DYDC1: variants seen among roughly 807,000 people sequenced by gnomAD.
DYDC1 encodes DPY30 domain-containing protein 1.
Under a neutral mutation model 27.9 loss-of-function variants are expected in DYDC1, and 21 were observed. That is an observed-to-expected ratio of 0.75 (90% confidence interval 0.53 to 1.08). The LOEUF (loss-of-function observed/expected upper bound fraction) is 1.08, where lower values mean the gene tolerates loss of function less well. Ranked by LOEUF, DYDC1 falls within the 50% of genes least tolerant of loss-of-function variation. DYDC1 has a pLI of 0.00. For synonymous variants in DYDC1, 67 were observed against 65.8 expected, an observed-to-expected ratio of 1.02 and a Z score of -0.09; for missense variants, 202 against 205.9, an observed-to-expected ratio of 0.98 and a Z score of 0.12.
intron 6 of DYDC1, chr10:80,337,011 C>T (rs1416490079): frequency 3.2e-5 from 18 of 557,550 alleles, no homozygotes; most frequent in Non-Finnish European, 3.9e-5. Context: ...CCTAAGGCAA[C>T]ATACAAGACC....
chr10:80,336,101 A>G, downstream of DYDC1: 2 of 1,209,218 alleles, frequency 1.7e-6, no homozygotes, highest in Non-Finnish European at 2.4e-6. Flanking sequence ...TGGGAACCTC[A>G]TGGTTTGAAA....
intron 3 of DYDC1, among the ~76,000 whole-genome samples, chr10:80,343,872 AC>A (rs1377239723): frequency 6.6e-6 from 1 of 152,078 alleles, no homozygotes; most frequent in East Asian, 1.9e-4. Flanking sequence ...GGTGGCTCAC[AC>A]CTGTAATACC....
intron 3 of DYDC1, among the ~76,000 whole-genome samples, chr10:80,351,626 T>A (rs1838596700): frequency 6.6e-6 from 1 of 152,156 alleles, no homozygotes; most frequent in Admixed American, 6.5e-5. Flanking sequence ...GACAGCACAC[T>A]CTGTATTTTC....
intron 2 of DYDC1, 40 bp downstream of exon 2, chr10:80,352,415 T>G (rs554362944): frequency 1.2e-5 from 18 of 1,523,290 alleles, no homozygotes; most frequent in Non-Finnish European, 1.6e-5. Context: ...TTGGACCAGT[T>G]TTTTTTCTTC....
At chr10:80,355,167 T>C (rs888951127) in intron 1 of DYDC1, among the ~76,000 whole-genome samples, 1 of 151,412 alleles carries the variant, frequency 6.6e-6, no homozygotes, top group African/African-American at 2.4e-5. Context: ...AAGGCCCTGA[T>C]ATAGGAATGA....
intron 3 of DYDC1, 138 bp from the exon 4 acceptor site, chr10:80,342,499 G>A (rs1167905148): frequency 1.5e-6 from 1 of 677,440 alleles, no homozygotes; most frequent in Non-Finnish European, 2.2e-6. Flanking sequence ...GCTTCCTGAA[G>A]CATAAAATTT....
chr10:80,350,916 C>A (rs551357280), intron 3 of DYDC1, among the ~76,000 whole-genome samples: 3 of 152,268 alleles, frequency 2.0e-5, no homozygotes, highest in East Asian at 3.9e-4. Context: ...ATCATGCTAC[C>A]CCAATCCTGC....
At chr10:80,356,345 T>A (rs1843366411) in intron 1 of DYDC1, 1 of 985,494 alleles carries the variant, frequency 1.0e-6, no homozygotes, top group South Asian at 4.7e-5. Flanking sequence ...TGGAAGGAGA[T>A]TCCTTACCCA....
intron 3 of DYDC1, among the ~76,000 whole-genome samples, chr10:80,347,370 A>G (rs1842732666): frequency 1.5e-5 from 2 of 137,078 alleles, no homozygotes; most frequent in African/African-American, 2.8e-5. Flanking sequence ...TATCAGATAT[A>G]TGGTTCACAA....
At chr10:80,353,729 C>T (rs1189621534) in intron 1 of DYDC1, among the ~76,000 whole-genome samples, 8 of 151,824 alleles carry the variant, frequency 5.3e-5, no homozygotes. Flanking sequence ...TGTGCCTGGG[C>T]TTGCTCATCT....
At chr10:80,338,876 T>A (rs1842224483) in intron 5 of DYDC1, among the ~76,000 whole-genome samples, 1 of 152,210 alleles carries the variant, frequency 6.6e-6, no homozygotes, top group South Asian at 2.1e-4. Context: ...GCCTAGTTTT[T>A]AAAAATCCAA....
rs1488420436 is a variant in DYDC1, at chr10:80,342,251, T to C, written c.342+18A>G. ...GAGAGTTTTAAATAAAACTGACATT[T>C]ATAAAACTTCAAATTACCTTGCCTA... On this transcript the variant is annotated intron_variant, in intron 4 of 6. Transcript: ENST00000372202. The C allele has an allele frequency of 6.2e-7, 1 of 1,610,206 alleles. No individual in the cohort carries two copies.
Position 80,338,500 on chromosome 10 carries a change from T to C in DYDC1, c.471A>G (p.Arg157=). 6.2e-7 allele frequency: 1 copy of C among 1,613,334 alleles called. No individual in the cohort carries two copies. The highest frequency in any genetic ancestry group is 2.2e-5 in the East Asian group (1 of 44,838). Residue 157 remains arginine (R), a synonymous_variant, in exon 6 of 7, where the codon AGA becomes AGG. Coordinates refer to ENST00000372202, the MANE Select transcript of DYDC1 (RefSeq NM_001269053.2). ...ACATTGGTTCATCAAGTTCTTCCAC[T>C]CTGCTCAAGTTAGGTGCTCCATAAC... is the stretch of plus-strand genomic sequence containing the variant. ...SDRYGAPNLS[R]VEELDEPMFS...
chr10:80,347,063 G>A (rs564984067), intron 3 of DYDC1, among the ~76,000 whole-genome samples: 9 of 151,412 alleles, frequency 5.9e-5, no homozygotes, highest in Non-Finnish European at 1.2e-4. Context: ...CTGGGTGAAA[G>A]AGCGAGACTC....
chr10:80,356,604 C>A, intron 1 of DYDC1, 108 bp downstream of exon 1: 1 of 985,530 alleles, frequency 1.0e-6, no homozygotes, highest in Non-Finnish European at 1.2e-6. Flanking sequence ...CAGGTGAGTC[C>A]TGCTCGACGC....
intron 1 of DYDC1, chr10:80,356,473 C>G: frequency 1.0e-6 from 1 of 985,352 alleles, no homozygotes; most frequent in Non-Finnish European, 1.2e-6. Flanking sequence ...GTTTTCCCAC[C>G]CGGGAGTCTG....
rs1030691467 is a variant in DYDC1, at chr10:80,347,995, C to A, written c.249+3906G>T. Among the ~76,000 whole-genome samples, 4 of 152,112 alleles carry A rather than the reference C, an allele frequency of 2.6e-5. No individual in the cohort carries two copies. The East Asian group carries it at 5.8e-4, about 22-fold the overall frequency. ...GGTTTTTCTGTTTCTGTGAAGAATG[C>A]CATTGGAATTTTGATAGGGATTGAG... is the stretch of plus-strand genomic sequence containing the variant. On this transcript the variant is annotated intron_variant, in intron 3 of 6. Transcript: ENST00000372202.
intron 6 of DYDC1, among the ~76,000 whole-genome samples, chr10:80,336,768 T>A (rs1213162513): frequency 6.6e-6 from 1 of 152,220 alleles, no homozygotes; most frequent in Non-Finnish European, 1.5e-5. Flanking sequence ...CATTTAGGCT[T>A]CATCCTGACC....
Position 80,338,513 on chromosome 10 carries a change from G to C in DYDC1, c.458C>G (p.Pro153Arg). The C allele has an allele frequency of 6.2e-7, 1 of 1,612,440 alleles. No homozygotes were observed. The highest frequency in any genetic ancestry group is 1.7e-5 in the Admixed American group (1 of 59,594). ...AAGTTCTTCCACTCTGCTCAAGTTA[G>C]GTGCTCCATAACGATCGCTGATTTC... ...LAEISDRYGA[P>R]NLSRVEELDE... Residue 153 changes from proline (P) to arginine (R), a missense_variant, in exon 6 of 7, where the codon CCT (proline) becomes CGT (arginine). Physicochemically the swap from Pro to Arg is moderately radical, Grantham distance 103 (BLOSUM62 -2). Coordinates refer to ENST00000372202, the MANE Select transcript of DYDC1 (RefSeq NM_001269053.2).
Sources: gnomAD v4.1 joint callset for allele counts (sites outside exome capture counted in the v4.1 genomes callset) on GRCh38, gnomAD v4.1.1 for gene constraint, MANE v1.5 for transcripts, NCBI Gene and HGNC (gene_info 2026-07-23, HGNC 2026-07-21) for gene names.